The following CCDC30 variants were observed in gnomAD, a reference collection of about 807,000 sequenced individuals.
CCDC30 encodes coiled-coil domain containing 30, also known as coiled-coil domain-containing protein 30.
In CCDC30, 70 loss-of-function variants were observed where a neutral mutation model predicts 100.2. That is an observed-to-expected ratio of 0.70 (90% CI 0.58 to 0.85). The LOEUF is 0.85. Ranked by LOEUF, CCDC30 falls within the 40% of genes least tolerant of loss-of-function variation. CCDC30 has a pLI of 0.00. For synonymous variants in CCDC30, 233 were observed against 269.5 expected, an observed-to-expected ratio of 0.86 and a Z score of 1.33; for missense variants, 652 against 771.2, an observed-to-expected ratio of 0.85 and a Z score of 1.83.
chr1:42,568,313 C>G (rs1645650991), intron 7 of CCDC30, among the ~76,000 whole-genome samples: 1 of 152,094 alleles, frequency 6.6e-6, no homozygotes, highest in Non-Finnish European at 1.5e-5. Context: ...CAGGGTTTCA[C>G]CATGTTGGCC....
At chr1:42,646,896 G>C (rs926046574) in intron 15 of CCDC30, among the ~76,000 whole-genome samples, 4 of 152,040 alleles carry the variant, frequency 2.6e-5, no homozygotes, top group Non-Finnish European at 5.9e-5. Flanking sequence ...TCAGGAGTTC[G>C]AGACCAGCCT....
intron 9 of CCDC30, among the ~76,000 whole-genome samples, chr1:42,586,176 T>C (rs1009155852): frequency 1.3e-5 from 2 of 152,194 alleles, no homozygotes; most frequent in African/African-American, 4.8e-5. Context: ...GACAATAGTA[T>C]GGAGGACCAC....
At chr1:42,457,574 A>T in the CCDC30 span, 1 of 571,190 alleles carries the variant, frequency 1.8e-6, no homozygotes, top group Non-Finnish European at 3.1e-6. Flanking sequence ...GGAGGTATGT[A>T]CAAAGTGCAG....
intron 4 of CCDC30, among the ~76,000 whole-genome samples, chr1:42,494,277 G>A (rs1225544831): frequency 2.6e-5 from 4 of 152,280 alleles, no homozygotes; most frequent in Non-Finnish European, 4.4e-5. Context: ...TTTAATAAAT[G>A]GTGCTGGGAA....
chr1:42,608,697 C>T (rs1206885100), intron 10 of CCDC30, among the ~76,000 whole-genome samples: 1 of 127,462 alleles, frequency 7.8e-6, no homozygotes, highest in Non-Finnish European at 1.6e-5. Flanking sequence ...AGACAGAGCG[C>T]GACTCCGTCT....
exon 8 of CCDC30, chr1:42,577,151 T>C (rs762884591): frequency 3.7e-6 from 6 of 1,614,018 alleles, no homozygotes; most frequent in Non-Finnish European, 3.4e-6. Context: ...TTAAACACAC[T>C]CAGAGCATTA....
At chr1:42,546,385 CAAAAA>C (rs1159008864) in intron 6 of CCDC30, among the ~76,000 whole-genome samples, 44 of 4,996 alleles carry the variant, frequency 8.8e-3, no homozygotes, top group African/African-American at 0.024. Flanking sequence ...AATTCTGTCT[CAAAAA>C]AAAAAAAAAA....
At chr1:42,456,459 T>G in the CCDC30 span, 1 of 1,188,648 alleles carries the variant, frequency 8.4e-7, no homozygotes, top group Non-Finnish European at 1.1e-6. Context: ...AAAAGAAGGG[T>G]AGTGAACCGC....
At chr1:42,508,971 C>T (rs1569856355) in intron 6 of CCDC30, among the ~76,000 whole-genome samples, 1 of 152,176 alleles carries the variant, frequency 6.6e-6, no homozygotes, top group African/African-American at 2.4e-5. Flanking sequence ...TTGACTTTAG[C>T]CACACCTAGC....
intron 6 of CCDC30, among the ~76,000 whole-genome samples, chr1:42,553,580 C>T (rs886180778): frequency 5.3e-5 from 8 of 151,456 alleles, no homozygotes; most frequent in Non-Finnish European, 1.0e-4. Flanking sequence ...TGTTTGAGCC[C>T]AGGAGTTCAA....
chr1:42,529,333 G>A (rs748771182), intron 6 of CCDC30, among the ~76,000 whole-genome samples: 9 of 152,122 alleles, frequency 5.9e-5, no homozygotes, highest in Non-Finnish European at 8.8e-5. Flanking sequence ...TTAGCTGGGC[G>A]TGGTGGCGGA....
intron 11 of CCDC30, among the ~76,000 whole-genome samples, chr1:42,625,626 A>G (rs1270804461): frequency 6.6e-6 from 1 of 152,118 alleles, no homozygotes; most frequent in African/African-American, 2.4e-5. Context: ...CTGGTCATTC[A>G]GGAGCATATT....
intron 6 of CCDC30, among the ~76,000 whole-genome samples, chr1:42,535,949 T>C (rs1644896618): frequency 6.6e-6 from 1 of 151,022 alleles, no homozygotes; most frequent in Non-Finnish European, 1.5e-5. Flanking sequence ...AGAATTCCAG[T>C]ACTGACTGTG....
intron 6 of CCDC30, among the ~76,000 whole-genome samples, chr1:42,549,341 A>C (rs1286407134): frequency 1.3e-5 from 2 of 152,234 alleles, no homozygotes; most frequent in Non-Finnish European, 2.9e-5. Context: ...AAGAAAACTG[A>C]AATGACTATT....
intron 11 of CCDC30, among the ~76,000 whole-genome samples, chr1:42,636,479 AT>A (rs1557480555): frequency 6.6e-6 from 1 of 152,186 alleles, no homozygotes; most frequent in Non-Finnish European, 1.5e-5. Flanking sequence ...TGGAAATTAG[AT>A]AAGATTGAAG....
chr1:42,497,662 C>T (rs1644250160), intron 5 of CCDC30, among the ~76,000 whole-genome samples: 1 of 152,076 alleles, frequency 6.6e-6, no homozygotes, highest in Admixed American at 6.6e-5. Flanking sequence ...AGTTTATATT[C>T]ATTAAATAAT....
Position 42,596,452 on chromosome 1 carries a change from A to G in CCDC30, c.1164+6969A>G, listed in dbSNP as rs1202041713. The stretch of plus-strand genomic sequence containing the variant: ...GCTGTTGGGGTTTTGTCAGAGTCTA[A>G]CAGACCTAGCGGAATAGAAATATCC... On this transcript the variant is annotated intron_variant, in intron 10 of 16. Transcript: ENST00000668663. This position sits in a 1 kb window ranked among gnomAD's most constrained non-coding sequence, Gnocchi z 4.3. Among the ~76,000 whole-genome samples the G allele has an allele frequency of 6.6e-6, 1 of 152,160 alleles. No individual in the cohort carries two copies. Among genetic ancestry groups the G allele is most frequent in the Non-Finnish European group, 1.5e-5 (1 of 68,022 alleles).
chr1:42,637,614 G>A (rs1647185625), intron 12 of CCDC30, among the ~76,000 whole-genome samples: 1 of 152,176 alleles, frequency 6.6e-6, no homozygotes, highest in Non-Finnish European at 1.5e-5. Context: ...GCCAACTTAT[G>A]ATCAATGTCT....
chr1:42,543,688 G>A (rs1569989060), intron 6 of CCDC30, among the ~76,000 whole-genome samples: 1 of 152,220 alleles, frequency 6.6e-6, no homozygotes. Flanking sequence ...TGCTTAAAAT[G>A]TGCTATTTGT....
Sources: gnomAD v4.1 joint callset for allele counts (sites outside exome capture counted in the v4.1 genomes callset) on GRCh38, gnomAD v4.1.1 for gene constraint, Gnocchi (gnomAD v3.1) non-coding constraint, MANE v1.5 for transcripts, NCBI Gene and HGNC (gene_info 2026-07-23, HGNC 2026-07-21) for gene names.